Variants in MCCC2 observed in about 807,000 individuals in gnomAD.
MCCC2 encodes methylcrotonyl-CoA carboxylase subunit 2.
In MCCC2, 52 loss-of-function variants were observed where a neutral mutation model predicts 77.2. That is an observed-to-expected ratio of 0.67 (90% confidence interval 0.54 to 0.85). The LOEUF is 0.85. MCCC2 is among the 40% of genes least tolerant of loss of function. The probability of loss-of-function intolerance (pLI) is 0.00; values close to 1 mark genes in which losing one functional copy is unlikely to be tolerated. For synonymous variants in MCCC2, 253 were observed against 248.4 expected (o/e 1.02, Z -0.18); for missense variants, 682 against 703.2 (o/e 0.97, Z 0.34).
chr5:71,601,743 A>G (rs533533419), intron 4 of MCCC2, among the ~76,000 whole-genome samples: 1 of 152,298 alleles, frequency 6.6e-6, no homozygotes, highest in African/African-American at 2.4e-5. Context: ...TGAATTTTGT[A>G]AAGAGCACAC....
chr5:71,591,523 G>A (rs1431822732), intron 1 of MCCC2, among the ~76,000 whole-genome samples: 2 of 140,634 alleles, frequency 1.4e-5, no homozygotes, highest in African/African-American at 2.7e-5. Flanking sequence ...TGCAACCTCC[G>A]CCTCCCGGGT....
At chr5:71,609,011 C>T (rs1745806155) in intron 6 of MCCC2, among the ~76,000 whole-genome samples, 1 of 151,984 alleles carries the variant, frequency 6.6e-6, no homozygotes, top group African/African-American at 2.4e-5. Flanking sequence ...TTTTTTCCTT[C>T]ATTTCAACTT....
Position 71,643,888 on chromosome 5 carries a change from CAAAA to C in MCCC2, c.1145_1148del (p.Lys382ArgfsTer55), listed in dbSNP as rs35160484. ...AACGGAGTTCTCTTTTCTGAATCTGCAAAAAAGGCAAGTACTGTTAAAAATATTT... is the reference window on the plus strand; with the variant it reads ...AACGGAGTTCTCTTTTCTGAATCTGCAAGGCAAGTACTGTTAAAAATATTT... On this transcript the variant is annotated frameshift_variant, in exon 12 of 17. Coordinates refer to ENST00000340941, the MANE Select transcript of MCCC2 (RefSeq NM_022132.5). LOFTEE classifies it high-confidence loss of function. 5 of 1,613,242 alleles carry C rather than the reference CAAAA, an allele frequency of 3.1e-6. No homozygotes were observed. In the East Asian group the frequency reaches 1.1e-4, roughly 36 times the overall value.
Position 71,641,073 on chromosome 5 carries a change from C to T in MCCC2, c.1070C>T (p.Thr357Ile). 4 of 1,612,936 alleles carry T rather than the reference C, an allele frequency of 2.5e-6. No homozygotes were observed. Among genetic ancestry groups the T allele is most frequent in the African/African-American group, 1.3e-5 (1 of 75,014 alleles). ...GCCTTTTATGGAGACACATTAGTTA[C>T]AGGTATAAAGGTGAAGAATTGAAAA... ...FKAFYGDTLV[T>I]GFARIFGYPV... The change falls in exon 11 of 17, where the codon ACA (threonine) becomes ATA (isoleucine). Residue 357 changes from threonine (T) to isoleucine (I), a missense_variant and splice_region_variant. Physicochemically the swap from Thr to Ile is moderately conservative, Grantham distance 89. Coordinates refer to ENST00000340941, the MANE Select transcript of MCCC2 (RefSeq NM_022132.5).
chr5:71,628,144 A>G (rs936457917), intron 7 of MCCC2, among the ~76,000 whole-genome samples: 1 of 152,098 alleles, frequency 6.6e-6, no homozygotes. Flanking sequence ...GCACCTGGCC[A>G]AGGCATCTTT....
chr5:71,640,510 T>G (rs1175604783), intron 10 of MCCC2, among the ~76,000 whole-genome samples: 1 of 151,986 alleles, frequency 6.6e-6, no homozygotes, highest in African/African-American at 2.4e-5. Context: ...GGTTCCTACT[T>G]CCTTACAAGT....
In MCCC2 at chr5:71,587,465, C is replaced by T; in HGVS notation, c.40C>T (p.Arg14Cys). 1.3e-6 allele frequency: 2 copies of T among 1,535,826 alleles called. No individual in the cohort carries two copies. Among genetic ancestry groups the T allele is most frequent in the Non-Finnish European group, 1.7e-6 (2 of 1,146,118 alleles). Residue 14 changes from arginine (R) to cysteine (C), a missense_variant, in exon 1 of 17, where the codon CGC becomes TGC. Physicochemically the swap from Arg to Cys is radical, Grantham distance 180. Coordinates refer to ENST00000340941, the MANE Select transcript of MCCC2 (RefSeq NM_022132.5). ...GAGGTTAGCCCTGCGGCCGTGTGCC[C>T]GCGCCTCTCCCGCCGGGCCGCGCGC... is the stretch of plus-strand genomic sequence containing the variant. ...VLRLALRPCARASPAGPRAYH... is the reference protein window; with the variant it reads ...VLRLALRPCACASPAGPRAYH...
chr5:71,595,573 A>C (rs919422037), intron 2 of MCCC2, among the ~76,000 whole-genome samples: 3 of 152,210 alleles, frequency 2.0e-5, no homozygotes, highest in African/African-American at 4.8e-5. Flanking sequence ...GACACCAATA[A>C]AAATAAACTA....
chr5:71,594,687 A>G (rs1009953170), intron 2 of MCCC2, among the ~76,000 whole-genome samples: 3 of 152,022 alleles, frequency 2.0e-5, no homozygotes, highest in African/African-American at 7.2e-5. Flanking sequence ...GGAAGGAGGT[A>G]GGGAGAAGGG....
chr5:71,609,765 T>G (rs1269924717), intron 6 of MCCC2, among the ~76,000 whole-genome samples: 4 of 152,232 alleles, frequency 2.6e-5, no homozygotes, highest in Middle Eastern at 6.8e-3. Context: ...GTCCTTTCTG[T>G]TTGTTAGTTT....
intron 13 of MCCC2, among the ~76,000 whole-genome samples, chr5:71,648,795 G>A (rs981159435): frequency 6.6e-6 from 1 of 152,186 alleles, no homozygotes; most frequent in Non-Finnish European, 1.5e-5. Context: ...TATTATGGGG[G>A]TGAGTCACTG....
chr5:71,634,819 T>G (rs1347260883), intron 8 of MCCC2, 124 bp from the exon 9 acceptor site: 1 of 835,014 alleles, frequency 1.2e-6, no homozygotes, highest in East Asian at 2.6e-5. Context: ...AGATGACAAA[T>G]TTTTTAAGTG....
chr5:71,622,768 T>C (rs1746397121), intron 6 of MCCC2, among the ~76,000 whole-genome samples: 1 of 152,188 alleles, frequency 6.6e-6, no homozygotes, highest in African/African-American at 2.4e-5. Flanking sequence ...GCCTCCTGAG[T>C]AGCTGGGATT....
At chr5:71,633,114 TATA>T (rs1369128536) in intron 8 of MCCC2, among the ~76,000 whole-genome samples, 1 of 99,388 alleles carries the variant, frequency 1.0e-5, no homozygotes, top group African/African-American at 4.2e-5. Context: ...TATATATATA[TATA>T]TATATATATA....
intron 1 of MCCC2, among the ~76,000 whole-genome samples, chr5:71,588,941 T>C (rs1262664713): frequency 6.6e-6 from 1 of 152,162 alleles, no homozygotes; most frequent in African/African-American, 2.4e-5. Flanking sequence ...AGGTTGTCCA[T>C]TAAAATATTT....
chr5:71,599,637 C>T (rs1745342867), intron 3 of MCCC2, 22 bp from the exon 4 acceptor site: 7 of 1,583,398 alleles, frequency 4.4e-6, no homozygotes, highest in Non-Finnish European at 6.1e-6. Context: ...TTAATTCAAA[C>T]AACATCCTTT....
chr5:71,631,871 A>G (rs947280926), intron 7 of MCCC2, among the ~76,000 whole-genome samples: 1 of 151,910 alleles, frequency 6.6e-6, no homozygotes, highest in Non-Finnish European at 1.5e-5. Flanking sequence ...TGTGGGCTCA[A>G]ATGAGACTCC....
intron 1 of MCCC2, 163 bp from the exon 2 acceptor site, chr5:71,592,763 A>C (rs553503884): frequency 3.0e-6 from 2 of 669,438 alleles, no homozygotes; most frequent in Non-Finnish European, 5.4e-6. Context: ...TTTCCATACG[A>C]TCCAGTGGCC....
intron 6 of MCCC2, among the ~76,000 whole-genome samples, chr5:71,616,859 G>A (rs1746170455): frequency 6.6e-6 from 1 of 152,042 alleles, no homozygotes; most frequent in Non-Finnish European, 1.5e-5. Context: ...TCACCCTTGG[G>A]CAGTTCCTCT....
Sources: allele counts gnomAD v4.1 joint callset (sites outside exome capture counted in the v4.1 genomes callset), GRCh38; gene constraint gnomAD v4.1.1; transcripts MANE v1.5; gene names NCBI Gene and HGNC (gene_info 2026-07-23, HGNC 2026-07-21).